Variants in DDX19B observed in about 807,000 individuals in gnomAD.
DDX19B encodes DEAD-box helicase 19B, also known as ATP-dependent RNA helicase DDX19B.
Under a neutral mutation model 58.1 loss-of-function variants are expected in DDX19B, and 27 were observed. The observed-to-expected ratio is 0.46, with a 90% CI of 0.34 to 0.64. DDX19B has a LOEUF of 0.64. Among genes scored for constraint, DDX19B ranks in the 30% least tolerant of loss-of-function variants. The pLI is 0.01. For synonymous variants in DDX19B, 187 were observed against 214.4 expected (o/e 0.87, Z 1.12); for missense variants, 399 against 596.5 (o/e 0.67, Z 3.45).
chr16:70,328,535 G>A (rs916973311), intron 7 of DDX19B, among the ~76,000 whole-genome samples: 18 of 151,400 alleles, frequency 1.2e-4, no homozygotes, highest in Non-Finnish European at 2.1e-4. Flanking sequence ...GCTAATTTTT[G>A]TATTTTTAGT....
intron 7 of DDX19B, among the ~76,000 whole-genome samples, chr16:70,326,352 C>T (rs1963142561): frequency 1.3e-5 from 2 of 152,102 alleles, no homozygotes; most frequent in Admixed American, 1.3e-4. Flanking sequence ...TGGCGGGCAC[C>T]TGTAGTCCCA....
chr16:70,296,231 T>C (rs1447862879), upstream of DDX19B, among the ~76,000 whole-genome samples: 1 of 152,018 alleles, frequency 6.6e-6, no homozygotes, highest in Admixed American at 6.6e-5. Context: ...CTTGAACTCC[T>C]GACCTCGTGA....
chr16:70,325,448 G>A (rs1395946632), intron 6 of DDX19B, 126 bp from the exon 7 acceptor site: 3 of 673,832 alleles, frequency 4.5e-6, no homozygotes, highest in South Asian at 1.9e-5. Flanking sequence ...ATCAAATGGT[G>A]TACATTTTAA....
At chr16:70,305,150 A>G (rs116470613) in intron 1 of DDX19B, among the ~76,000 whole-genome samples, 1,811 of 152,228 alleles carry the variant, frequency 0.012, 29 homozygotes, top group African/African-American at 0.041. Flanking sequence ...CCTTAACTAT[A>G]TATCTTTAGT....
At chr16:70,323,487 G>C (rs566069170) in intron 5 of DDX19B, among the ~76,000 whole-genome samples, 1 of 150,056 alleles carries the variant, frequency 6.7e-6, no homozygotes, top group Admixed American at 6.7e-5. Flanking sequence ...ACAGTGGCGC[G>C]ATCTCGGCTC....
intron 1 of DDX19B, among the ~76,000 whole-genome samples, chr16:70,308,080 G>GCCACCACACC (rs1555546043): frequency 6.6e-6 from 1 of 151,700 alleles, no homozygotes; most frequent in Non-Finnish European, 1.5e-5. Flanking sequence ...AGCCTCCTGA[G>GCCACCACACC]TAGCTGGGAT....
At chr16:70,333,235 T>C in intron 11 of DDX19B, 76 bp downstream of exon 11, 3 of 737,572 alleles carry the variant, frequency 4.1e-6, no homozygotes, top group East Asian at 2.7e-5. Flanking sequence ...TAGGATCTTC[T>C]GTAGCCCCAA....
chr16:70,320,836 C>A (rs918111453), intron 5 of DDX19B, among the ~76,000 whole-genome samples: 2 of 151,664 alleles, frequency 1.3e-5, no homozygotes, highest in African/African-American at 4.8e-5. Flanking sequence ...AGATTACAGG[C>A]GTGAGCCATC....
At chr16:70,294,815 T>C (rs1245249893), upstream of DDX19B, 3 of 1,461,486 alleles carry the variant, frequency 2.1e-6, no homozygotes, top group Non-Finnish European at 2.7e-6. Flanking sequence ...GAGCAGCGGT[T>C]GTTGGAGTGT....
intron 1 of DDX19B, among the ~76,000 whole-genome samples, chr16:70,304,889 T>C (rs988093180): frequency 7.9e-5 from 12 of 152,320 alleles, no homozygotes; most frequent in African/African-American, 2.6e-4. Context: ...GTTCCTTTTT[T>C]ACAGACAATA....
rs1335168203 is a variant in DDX19B, at chr16:70,332,895, T to G, written c.1187-73T>G. 3.1e-6 allele frequency: 5 copies of G among 1,612,694 alleles called. No individual in the cohort carries two copies. In the East Asian group the frequency reaches 1.1e-4, roughly 36 times the overall value. On this transcript the variant is annotated intron_variant, in intron 10 of 11. Transcript: ENST00000288071. ...CCCTTAATGCTGAGTCATGCTCCAT[T>G]GTATGGATGGACCACATGACTGATT... is the stretch of plus-strand genomic sequence containing the variant.
At chr16:70,313,035 T>G (rs1255994254) in intron 2 of DDX19B, among the ~76,000 whole-genome samples, 1 of 149,314 alleles carries the variant, frequency 6.7e-6, no homozygotes, top group East Asian at 2.0e-4. Flanking sequence ...TTTTATTTTT[T>G]TGAGACAGAG....
chr16:70,300,294 C>G (rs1426507592), intron 1 of DDX19B, among the ~76,000 whole-genome samples: 2 of 152,004 alleles, frequency 1.3e-5, no homozygotes, highest in Non-Finnish European at 2.9e-5. Flanking sequence ...CAGTCTCTGC[C>G]TCCCAGGCTC....
intron 1 of DDX19B, among the ~76,000 whole-genome samples, chr16:70,301,684 TTCTC>T (rs202010837): frequency 4.5e-4 from 68 of 150,812 alleles, no homozygotes; most frequent in Middle Eastern, 3.4e-3. Flanking sequence ...CTCTCTTTCT[TTCTC>T]TCTCTCTCTT....
chr16:70,329,561 G>A, intron 8 of DDX19B, 92 bp downstream of exon 8: 16 of 1,562,526 alleles, frequency 1.0e-5, no homozygotes, highest in Non-Finnish European at 1.4e-5. Context: ...TTCTGCCTGG[G>A]TCTTGGCTCT....
intron 2 of DDX19B, 131 bp from the exon 3 acceptor site, chr16:70,314,771 G>A (rs572118258): frequency 3.6e-5 from 30 of 826,524 alleles, no homozygotes; most frequent in South Asian, 2.8e-4. Flanking sequence ...TTTTATCAGC[G>A]GCTCGGTTTC....
intron 5 of DDX19B, among the ~76,000 whole-genome samples, chr16:70,320,635 C>A (rs1179827376): frequency 6.6e-6 from 1 of 151,712 alleles, no homozygotes; most frequent in Non-Finnish European, 1.5e-5. Flanking sequence ...GTAACCACCA[C>A]CTCCCAGGTC....
At chr16:70,305,201 C>T (rs532698834) in intron 1 of DDX19B, among the ~76,000 whole-genome samples, 1 of 152,236 alleles carries the variant, frequency 6.6e-6, no homozygotes, top group South Asian at 2.1e-4. Flanking sequence ...CCCGGTCTGG[C>T]CAGATTTTGC....
rs757165116 is a variant in DDX19B, at chr16:70,332,993, C to T, written c.1212C>T (p.Val404=). 19 of 1,613,152 alleles carry T rather than the reference C, an allele frequency of 1.2e-5. No individual in the cohort carries two copies. Among genetic ancestry groups the T allele is most frequent in the African/African-American group, 1.3e-5 (1 of 74,758 alleles). ...ARGIDVEQVS[V]VINFDLPVDK... is the part of the protein sequence containing the mutation. ...GCATTGATGTTGAACAAGTGTCTGTCGTCATCAACTTTGATCTTCCCGTGG... is the reference window on the plus strand; with the variant it reads ...GCATTGATGTTGAACAAGTGTCTGTTGTCATCAACTTTGATCTTCCCGTGG... Residue 404 remains valine, a synonymous_variant, in exon 11 of 12, where the codon GTC becomes GTT. Transcript: ENST00000288071.
Sources: allele counts gnomAD v4.1 joint callset (sites outside exome capture counted in the v4.1 genomes callset), GRCh38; gene constraint gnomAD v4.1.1; transcripts MANE v1.5; gene names NCBI Gene and HGNC (gene_info 2026-07-23, HGNC 2026-07-21).